The following ST3GAL5 variants were observed in gnomAD, a reference collection of about 807,000 sequenced individuals.
The protein encoded by ST3GAL5 is lactosylceramide alpha-2,3-sialyltransferase.
ST3GAL5 carries 25 observed loss-of-function variants against 46.1 expected under a neutral mutation model. That is an observed-to-expected ratio of 0.54 (90% CI 0.40 to 0.76). The LOEUF (loss-of-function observed/expected upper bound fraction) is 0.76, where lower values mean the gene tolerates loss of function less well. Among genes scored for constraint, ST3GAL5 ranks in the 30% least tolerant of loss-of-function variants. The pLI is 0.00. For missense variants in ST3GAL5, 431 were observed against 521.2 expected, an observed-to-expected ratio of 0.83 and a Z score of 1.69; for synonymous variants, 182 against 192.7, an observed-to-expected ratio of 0.94 and a Z score of 0.46.
chr2:85,855,003 G>A (rs1683941478), intron 3 of ST3GAL5: 1 of 152,290 alleles, frequency 6.6e-6, no homozygotes, highest in Non-Finnish European at 1.5e-5. Flanking sequence ...AGCAAATAGA[G>A]GAAAGTTCTT....
At chr2:85,870,114 T>C (rs997665558) in intron 1 of ST3GAL5, 3 of 440,044 alleles carry the variant, frequency 6.8e-6, no homozygotes, top group Non-Finnish European at 1.5e-5. Context: ...TGCTTTCTTT[T>C]TTCTTTATAA....
chr2:85,839,233 T>A lies in ST3GAL5; in HGVS notation c.*911A>T, dbSNP rs927428411. Reference sequence around the variant, plus strand: ...CCGCCAGGTAGGCATTCAGAAAAGTTTCTTTTTTTTAAATACACAATTTAT... The same window carrying A: ...CCGCCAGGTAGGCATTCAGAAAAGTATCTTTTTTTTAAATACACAATTTAT... On this transcript the variant is annotated 3_prime_UTR_variant, in exon 7 of 7. Coordinates refer to ENST00000638572, the MANE Select transcript of ST3GAL5 (RefSeq NM_003896.4). 10 of 152,232 alleles carry A rather than the reference T, an allele frequency of 6.6e-5. No individual in the cohort carries two copies. Among genetic ancestry groups the A allele is most frequent in the African/African-American group, 2.4e-4 (10 of 41,462 alleles). The allele number at this position is 152,232 out of a possible 1,614,324, so 9.4% of individuals were successfully genotyped here. A position where few individuals can be genotyped will look rare whatever the true frequency, so the allele number is the denominator to read the frequency against.
chr2:85,847,668 G>A (rs992201438), intron 4 of ST3GAL5, 193 bp downstream of exon 4: 9 of 1,318,034 alleles, frequency 6.8e-6, no homozygotes, highest in South Asian at 1.6e-5. Flanking sequence ...CGTGGTGTGT[G>A]CCTGGGGTCC....
rs528535698 is a variant in ST3GAL5 at position 85,848,535 on chromosome 2, G to A, written c.319-331C>T. The A allele has an allele frequency of 2.7e-4, 167 of 612,606 alleles. No individual in the cohort carries two copies. In the African/African-American group the frequency reaches 3.1e-3, roughly 11 times the overall value. 37.9% of individuals were successfully genotyped at this position (612,606 alleles called of 1,614,324 possible). A position where few individuals can be genotyped will look rare whatever the true frequency, so the allele number is the denominator to read the frequency against. On this transcript the variant is annotated intron_variant, in intron 3 of 6. Transcript: ENST00000638572. The stretch of plus-strand genomic sequence containing the variant: ...TACTTCGGGGTGTCTAAGACTTCAT[G>A]TTTCATAAAATTCTGATACATGCTA...
At chr2:85,888,687 G>A (rs1220362182) in intron 1 of ST3GAL5, 137 bp downstream of exon 1, 2 of 597,420 alleles carry the variant, frequency 3.3e-6, no homozygotes, top group African/African-American at 4.0e-5. Context: ...TCGCCTGAGG[G>A]TGTCGTGCCC....
At chr2:85,876,138 G>A (rs1458687103) in intron 1 of ST3GAL5, among the ~76,000 whole-genome samples, 5 of 152,164 alleles carry the variant, frequency 3.3e-5, no homozygotes, top group Non-Finnish European at 7.4e-5. Context: ...TGGGTAAAAT[G>A]CACCCTCCAA....
At position 85,880,898 on chromosome 2, in the gene ST3GAL5, G is replaced by A. The variant is rs774567314; in HGVS notation, c.82+7926C>T. On this transcript the variant is annotated intron_variant, in intron 1 of 6. Coordinates refer to ENST00000638572, the MANE Select transcript of ST3GAL5 (RefSeq NM_003896.4). Reference sequence around the variant, plus strand: ...AGGTCTATTTTAACTTATCTATGTTGGACATGCGGGCAGAGTGTCAGATGA... The same window carrying A: ...AGGTCTATTTTAACTTATCTATGTTAGACATGCGGGCAGAGTGTCAGATGA... The A allele has an allele frequency of 7.7e-6, 4 of 518,424 alleles. No individual in the cohort carries two copies. The Admixed American group carries it at 7.8e-5, about 10-fold the overall frequency. 32.1% of individuals were successfully genotyped at this position (518,424 alleles called of 1,614,324 possible). A position where few individuals can be genotyped will look rare whatever the true frequency, so the allele number is the denominator to read the frequency against.
intron 1 of ST3GAL5, among the ~76,000 whole-genome samples, chr2:85,876,460 T>TC (rs1686579944): frequency 7.4e-6 from 1 of 135,856 alleles, no homozygotes; most frequent in South Asian, 2.5e-4. Context: ...TTTTTCTTTT[T>TC]CCTTTTTTTT....
At chr2:85,874,952 G>C (rs1323106971) in intron 1 of ST3GAL5, among the ~76,000 whole-genome samples, 3 of 152,070 alleles carry the variant, frequency 2.0e-5, no homozygotes, top group Non-Finnish European at 2.9e-5. Context: ...CAGGGATTGA[G>C]ATACTTTTTC....
rs138716071 is a variant in ST3GAL5 at position 85,839,210 on chromosome 2, G to C, written c.*934C>G. The C allele has an allele frequency of 1.1e-4, 17 of 152,164 alleles. No individual in the cohort carries two copies. The highest frequency in any genetic ancestry group is 1.8e-4 in the Non-Finnish European group (12 of 68,030). The allele number at this position is 152,164 out of a possible 1,614,324, so 9.4% of individuals were successfully genotyped here. A position where few individuals can be genotyped will look rare whatever the true frequency, so the allele number is the denominator to read the frequency against. The stretch of plus-strand genomic sequence containing the variant: ...ACTGGCACACTGCCTGGTATACACC[G>C]CCAGGTAGGCATTCAGAAAAGTTTC... On this transcript the variant is annotated 3_prime_UTR_variant, in exon 7 of 7. Transcript: ENST00000638572.
rs1243974070 is a variant in ST3GAL5, at chr2:85,839,146, G to A, written c.*998C>T. The stretch of plus-strand genomic sequence containing the variant: ...AGCACCCAAATTAACCAGACTACGA[G>A]AGTTCCTCAAAAGTTTTTATTCTTT... On this transcript the variant is annotated 3_prime_UTR_variant, in exon 7 of 7. Transcript: ENST00000638572. 2 of 152,212 alleles carry A rather than the reference G, an allele frequency of 1.3e-5. No individual in the cohort carries two copies. The highest frequency in any genetic ancestry group is 2.9e-5 in the Non-Finnish European group (2 of 68,054). 9.4% of individuals were successfully genotyped at this position (152,212 alleles called of 1,614,324 possible). A position where few individuals can be genotyped will look rare whatever the true frequency, so the allele number is the denominator to read the frequency against.
chr2:85,868,460 C>A (rs1053292671), intron 1 of ST3GAL5, among the ~76,000 whole-genome samples: 1 of 150,814 alleles, frequency 6.6e-6, no homozygotes, highest in Non-Finnish European at 1.5e-5. Context: ...CACCACCATG[C>A]CGAGTTAATT....
chr2:85,860,332 A>G (rs1318131307), intron 3 of ST3GAL5, among the ~76,000 whole-genome samples: 1 of 152,186 alleles, frequency 6.6e-6, no homozygotes, highest in African/African-American at 2.4e-5. Flanking sequence ...ACTAAAGGAG[A>G]TAATATATAT....
chr2:85,873,079 C>T (rs1422716274), intron 1 of ST3GAL5, among the ~76,000 whole-genome samples: 2 of 152,154 alleles, frequency 1.3e-5, no homozygotes, highest in Admixed American at 6.5e-5. Context: ...GCAGGCAGGA[C>T]GAGAGCAGCG....
intron 6 of ST3GAL5, 30 bp downstream of exon 6, chr2:85,844,366 A>G (rs759067122): frequency 2.4e-5 from 38 of 1,613,914 alleles, no homozygotes; most frequent in Non-Finnish European, 2.5e-5. Context: ...CAAACAGGGA[A>G]TGATTAACTT....
chr2:85,883,179 G>C (rs1687370695), intron 1 of ST3GAL5, among the ~76,000 whole-genome samples: 1 of 152,298 alleles, frequency 6.6e-6, no homozygotes, highest in African/African-American at 2.4e-5. Context: ...ATCTCAACTT[G>C]AATTGTGTCT....
intron 1 of ST3GAL5, among the ~76,000 whole-genome samples, chr2:85,877,154 C>T (rs1300193030): frequency 1.3e-5 from 2 of 152,126 alleles, no homozygotes; most frequent in African/African-American, 4.8e-5. Flanking sequence ...AAAGACATCC[C>T]CTTTAAACAA....
chr2:85,848,557 G>A, intron 3 of ST3GAL5: 1 of 473,226 alleles, frequency 2.1e-6, no homozygotes, highest in Non-Finnish European at 3.6e-6. Flanking sequence ...TCTGATACAT[G>A]CTACAACATA....
intron 1 of ST3GAL5, among the ~76,000 whole-genome samples, chr2:85,883,679 A>T (rs1687445890): frequency 6.6e-6 from 1 of 152,202 alleles, no homozygotes; most frequent in Non-Finnish European, 1.5e-5. Flanking sequence ...TAAAGGGTCT[A>T]CCCAGGAGGG....
Sources: allele counts gnomAD v4.1 joint callset (sites outside exome capture counted in the v4.1 genomes callset), GRCh38; gene constraint gnomAD v4.1.1; transcripts MANE v1.5; gene names NCBI Gene and HGNC (gene_info 2026-07-23, HGNC 2026-07-21).